The following RAPGEF2 variants were observed in gnomAD, a reference collection of about 807,000 sequenced individuals.
RAPGEF2 encodes the protein PDZ domain containing guanine nucleotide exchange factor (GEF) 1.
In RAPGEF2, 54 loss-of-function variants were observed where a neutral mutation model predicts 186.7. That is an observed-to-expected ratio of 0.29 (90% CI 0.23 to 0.36). The LOEUF is 0.36. Among genes scored for constraint, RAPGEF2 ranks in the 10% least tolerant of loss-of-function variants. The probability of loss-of-function intolerance (pLI) is 1.00; values close to 1 mark genes in which losing one functional copy is unlikely to be tolerated. For synonymous variants in RAPGEF2, 712 were observed against 705.9 expected (o/e 1.01, Z -0.14); for missense variants, 1,532 against 2,045.0 (o/e 0.75, Z 4.84).
rs375232810 is a variant in RAPGEF2, at chr4:159,140,484, C to T, written c.69+36253C>T. Among the ~76,000 whole-genome samples, 26 of 152,252 alleles carry T rather than the reference C, an allele frequency of 1.7e-4. No homozygotes were observed. In the East Asian group the frequency reaches 3.3e-3, roughly 19 times the overall value. On this transcript the variant is annotated intron_variant, in intron 1 of 29. Coordinates refer to ENST00000691494, the MANE Select transcript of RAPGEF2 (RefSeq NM_001394067.2). ...TTAAAAGATATTTTTTGGGATGTCT[C>T]TTTGTAATTGCCAAATGTTAGGTTG...
intron 7 of RAPGEF2, among the ~76,000 whole-genome samples, chr4:159,251,389 G>A (rs1336380012): frequency 6.6e-6 from 1 of 152,266 alleles, no homozygotes; most frequent in Admixed American, 6.5e-5. Flanking sequence ...CTGGGCTCCT[G>A]AGTAGAGTGG....
chr4:159,249,281 GTC>G (rs1459208269), intron 7 of RAPGEF2, among the ~76,000 whole-genome samples: 12 of 134,940 alleles, frequency 8.9e-5, no homozygotes, highest in East Asian at 2.1e-4. Flanking sequence ...TTTAAAAAAA[GTC>G]TCTTTTTTTT....
chr4:159,203,590 T>C (rs558180955), intron 3 of RAPGEF2, among the ~76,000 whole-genome samples: 2 of 152,154 alleles, frequency 1.3e-5, no homozygotes, highest in Non-Finnish European at 1.5e-5. Context: ...AGAGAAAATA[T>C]ACTATTTAGA....
At chr4:159,188,717 A>T (rs975614709) in intron 2 of RAPGEF2, among the ~76,000 whole-genome samples, 6 of 152,094 alleles carry the variant, frequency 3.9e-5, no homozygotes, top group Admixed American at 2.6e-4. Flanking sequence ...ATACTAATGA[A>T]GTTCCATACA....
At chr4:159,162,395 TAAA>T (rs79478746) in intron 1 of RAPGEF2, among the ~76,000 whole-genome samples, 3 of 133,456 alleles carry the variant, frequency 2.2e-5, no homozygotes, top group African/African-American at 8.3e-5. Flanking sequence ...TACTGTCTCT[TAAA>T]AAAAAAAAAA....
At chr4:159,276,175 G>A (rs1399071857) in intron 7 of RAPGEF2, among the ~76,000 whole-genome samples, 2 of 152,088 alleles carry the variant, frequency 1.3e-5, no homozygotes, top group Non-Finnish European at 2.9e-5. Context: ...TGGGTTGGTG[G>A]GGTTTGGGGG....
At position 159,167,884 on chromosome 4, in the gene RAPGEF2, A is replaced by G. The variant is rs1579355560; in HGVS notation, c.70-18758A>G. On this transcript the variant is annotated intron_variant, in intron 1 of 29. Coordinates refer to ENST00000691494, the MANE Select transcript of RAPGEF2 (RefSeq NM_001394067.2). ...TGGACCAAAGGAATGTACCTGTTTAATGTAGTGGTAGATTTACTTCCACAA... is the reference window on the plus strand; with the variant it reads ...TGGACCAAAGGAATGTACCTGTTTAGTGTAGTGGTAGATTTACTTCCACAA... Among the ~76,000 whole-genome samples, 4 of 152,336 alleles carry G rather than the reference A, an allele frequency of 2.6e-5. No homozygotes were observed. The East Asian group carries it at 7.7e-4, about 29-fold the overall frequency.
chr4:159,302,351 A>G (rs941670072), intron 7 of RAPGEF2, among the ~76,000 whole-genome samples: 1 of 152,218 alleles, frequency 6.6e-6, no homozygotes, highest in Non-Finnish European at 1.5e-5. Flanking sequence ...TTTTTAAAAA[A>G]TCACACTATG....
intron 7 of RAPGEF2, among the ~76,000 whole-genome samples, chr4:159,300,180 A>G (rs982987472): frequency 2.7e-5 from 4 of 150,500 alleles, no homozygotes; most frequent in African/African-American, 9.7e-5. Flanking sequence ...ATTACTTTAT[A>G]TATGCATAAA....
chr4:159,124,911 T>C (rs2111108019), intron 1 of RAPGEF2, among the ~76,000 whole-genome samples: 1 of 152,348 alleles, frequency 6.6e-6, no homozygotes, highest in Middle Eastern at 3.4e-3. Context: ...TTAATGTTCA[T>C]CCAGAATGGT....
chr4:159,330,566 A>G (rs773505217), intron 13 of RAPGEF2, 68 bp downstream of exon 13: 57 of 1,131,398 alleles, frequency 5.0e-5, no homozygotes, highest in Non-Finnish European at 6.6e-5. Context: ...TAATGTGTAT[A>G]TTTGTCACAG....
chr4:159,176,456 A>G (rs1002708075), intron 1 of RAPGEF2, among the ~76,000 whole-genome samples: 2 of 152,168 alleles, frequency 1.3e-5, no homozygotes, highest in Admixed American at 1.3e-4. Flanking sequence ...TGTATAGGAC[A>G]AGGTACTGTG....
intron 4 of RAPGEF2, among the ~76,000 whole-genome samples, chr4:159,223,666 C>T (rs983523325): frequency 2.0e-5 from 3 of 152,122 alleles, no homozygotes; most frequent in African/African-American, 4.8e-5. Context: ...TTAGGATGAA[C>T]GTGTATATAC....
At chr4:159,334,852 A>C (rs543281842) in intron 17 of RAPGEF2, among the ~76,000 whole-genome samples, 1 of 152,352 alleles carries the variant, frequency 6.6e-6, no homozygotes, top group East Asian at 1.9e-4. Context: ...AAACATCTTA[A>C]ATAATTTGTA....
chr4:159,201,307 C>A (rs906770502), intron 3 of RAPGEF2, among the ~76,000 whole-genome samples: 5 of 152,136 alleles, frequency 3.3e-5, no homozygotes, highest in African/African-American at 1.2e-4. Context: ...ATCTGGAAAG[C>A]CATCTGTCTA....
At chr4:159,187,611 A>C (rs1747691133) in intron 2 of RAPGEF2, among the ~76,000 whole-genome samples, 1 of 152,202 alleles carries the variant, frequency 6.6e-6, no homozygotes. Flanking sequence ...TGTTTTTATG[A>C]GATCTGCCCA....
At position 159,119,429 on chromosome 4, in the gene RAPGEF2, AT is replaced by A. The variant is rs1739420938; in HGVS notation, c.69+15201del. Among the ~76,000 whole-genome samples, 5 of 152,216 alleles carry A rather than the reference AT, an allele frequency of 3.3e-5. No homozygotes were observed. In the South Asian group the frequency reaches 1.0e-3, roughly 32 times the overall value. ...CTCTTGGCTGCAAAAGAGGCTGGAA[AT>A]TTGAGTATTTTGCTTTTAAGCCTCG... On this transcript the variant is annotated intron_variant, in intron 1 of 29. Transcript: ENST00000691494.
Position 159,358,306 on chromosome 4 carries a change from C to T in RAPGEF2, c.*167C>T, listed in dbSNP as rs1732340379. 2 of 622,004 alleles carry T rather than the reference C, an allele frequency of 3.2e-6. No individual in the cohort carries two copies. Among genetic ancestry groups the T allele is most frequent in the East Asian group, 2.9e-5 (1 of 34,886 alleles). 38.5% of individuals were successfully genotyped at this position (622,004 alleles called of 1,614,324 possible). ...CTTCTTCTCCCCTTCTTCCTTTCCC[C>T]TTTGCATGTGAAATACTGTGAAGAA... On this transcript the variant is annotated 3_prime_UTR_variant, in exon 30 of 30. Transcript: ENST00000691494.
At chr4:159,289,861 C>T (rs1307565781) in intron 7 of RAPGEF2, among the ~76,000 whole-genome samples, 1 of 152,078 alleles carries the variant, frequency 6.6e-6, no homozygotes, top group Non-Finnish European at 1.5e-5. Context: ...GGAGGAGATA[C>T]AGAGTATCTC....
Sources: allele counts gnomAD v4.1 joint callset (sites outside exome capture counted in the v4.1 genomes callset), GRCh38; gene constraint gnomAD v4.1.1; transcripts MANE v1.5; gene names NCBI Gene and HGNC (gene_info 2026-07-23, HGNC 2026-07-21).